Variants in RSRC1 observed in about 807,000 individuals in gnomAD.
RSRC1 encodes the protein serine/Arginine-related protein 53.
A neutral mutation model predicts 49.1 loss-of-function variants in RSRC1; 39 were observed. The ratio of observed to expected loss-of-function variants is 0.79; its 90% CI spans 0.61 to 1.04. The LOEUF is 1.04. Ranked by LOEUF, RSRC1 falls within the 50% of genes least tolerant of loss-of-function variation. The pLI is 0.00. For synonymous variants in RSRC1, 143 were observed against 130.8 expected (o/e 1.09, Z -0.63); for missense variants, 388 against 402.4 (o/e 0.96, Z 0.31).
At chr3:158,405,237 T>C (rs1734097455) in intron 6 of RSRC1, among the ~76,000 whole-genome samples, 1 of 152,060 alleles carries the variant, frequency 6.6e-6, no homozygotes, top group Non-Finnish European at 1.5e-5. Flanking sequence ...AATGCAGTTA[T>C]CATGTTTTGT....
chr3:158,197,911 C>G (rs908435894), intron 3 of RSRC1, among the ~76,000 whole-genome samples: 1 of 152,064 alleles, frequency 6.6e-6, no homozygotes, highest in Non-Finnish European at 1.5e-5. Flanking sequence ...TTTATTCCCA[C>G]TATGTGGTCA....
At chr3:158,287,186 G>T (rs936168844) in intron 4 of RSRC1, among the ~76,000 whole-genome samples, 5 of 152,108 alleles carry the variant, frequency 3.3e-5, no homozygotes, top group African/African-American at 7.2e-5. Flanking sequence ...TTCTATTTGG[G>T]ATTGTTGACT....
chr3:158,389,379 G>C (rs958288551), intron 6 of RSRC1, among the ~76,000 whole-genome samples: 9 of 152,146 alleles, frequency 5.9e-5, no homozygotes, highest in African/African-American at 2.2e-4. Flanking sequence ...ATATTCAATT[G>C]TGGACAAAGC....
intron 3 of RSRC1, among the ~76,000 whole-genome samples, chr3:158,150,248 T>A (rs1473371547): frequency 6.6e-6 from 1 of 152,200 alleles, no homozygotes; most frequent in East Asian, 1.9e-4. Flanking sequence ...TTGCCAGTTA[T>A]TTTAGACATC....
intron 3 of RSRC1, among the ~76,000 whole-genome samples, chr3:158,137,655 CTT>C (rs11388972): frequency 3.6e-5 from 5 of 138,502 alleles, no homozygotes. Flanking sequence ...TTTTCTTTTT[CTT>C]TTTTTTTTTT....
chr3:158,116,994 G>A (rs187842466), intron 1 of RSRC1, among the ~76,000 whole-genome samples: 1 of 152,132 alleles, frequency 6.6e-6, no homozygotes, highest in East Asian at 1.9e-4. Context: ...GGGAGAGTGT[G>A]GGGTATAATT....
chr3:158,460,922 G>A lies in RSRC1; in HGVS notation c.584-13G>A. 3 of 1,565,286 alleles carry A rather than the reference G, an allele frequency of 1.9e-6. No homozygotes were observed. Among genetic ancestry groups the A allele is most frequent in the Non-Finnish European group, 2.6e-6 (3 of 1,149,212 alleles). On this transcript the variant is annotated splice_polypyrimidine_tract_variant and intron_variant, in intron 6 of 9. Transcript: ENST00000611884. ...ATAAAATAAGTACAAAAATTGTATTGTTTTTGTTTCAGCAAAAGCTGATGA... is the reference window on the plus strand; with the variant it reads ...ATAAAATAAGTACAAAAATTGTATTATTTTTGTTTCAGCAAAAGCTGATGA...
chr3:158,294,497 T>C (rs1727119789), intron 4 of RSRC1, among the ~76,000 whole-genome samples: 1 of 152,150 alleles, frequency 6.6e-6, no homozygotes, highest in African/African-American at 2.4e-5. Context: ...TTCTGGTTTA[T>C]ACATCTTACA....
chr3:158,529,671 A>G (rs866018375), intron 7 of RSRC1, among the ~76,000 whole-genome samples: 3 of 151,966 alleles, frequency 2.0e-5, no homozygotes, highest in Middle Eastern at 3.2e-3. Flanking sequence ...ATTCATTTCT[A>G]TGACTTTCCC....
intron 8 of RSRC1, among the ~76,000 whole-genome samples, chr3:158,541,102 C>G (rs538916252): frequency 6.6e-6 from 1 of 152,302 alleles, no homozygotes; most frequent in East Asian, 1.9e-4. Flanking sequence ...TTTTTGCTCA[C>G]TATACACCAG....
At chr3:158,137,983 C>T (rs1207657413) in intron 3 of RSRC1, among the ~76,000 whole-genome samples, 1 of 151,944 alleles carries the variant, frequency 6.6e-6, no homozygotes, top group Non-Finnish European at 1.5e-5. Flanking sequence ...TTTTCATAGA[C>T]GTTTTTTCTC....
chr3:158,458,557 C>T (rs779748016), intron 6 of RSRC1, among the ~76,000 whole-genome samples: 3 of 152,048 alleles, frequency 2.0e-5, no homozygotes, highest in Admixed American at 1.3e-4. Context: ...GTGAAGGAAG[C>T]GAAGCCTAGA....
At chr3:158,242,764 G>C (rs1723666709) in intron 4 of RSRC1, among the ~76,000 whole-genome samples, 2 of 151,854 alleles carry the variant, frequency 1.3e-5, no homozygotes, top group African/African-American at 4.8e-5. Context: ...GGTATGAGAT[G>C]ATATCTCATT....
chr3:158,387,165 A>G (rs1733011226), intron 6 of RSRC1, among the ~76,000 whole-genome samples: 1 of 152,132 alleles, frequency 6.6e-6, no homozygotes, highest in African/African-American at 2.4e-5. Context: ...TCAAATACAA[A>G]TATAAGGATT....
intron 7 of RSRC1, among the ~76,000 whole-genome samples, chr3:158,470,943 C>A (rs1738109693): frequency 6.6e-6 from 1 of 152,142 alleles, no homozygotes; most frequent in Admixed American, 6.6e-5. Flanking sequence ...ATCCAAAGTT[C>A]AAGAAACTCA....
intron 6 of RSRC1, among the ~76,000 whole-genome samples, chr3:158,400,055 G>C (rs9870731): frequency 0.52 from 78,992 of 151,834 alleles, 20,989 homozygotes; most frequent in African/African-American, 0.61. Flanking sequence ...CCAGAAAATA[G>C]TAGAATTTTC....
chr3:158,344,668 A>G (rs1195271150), intron 5 of RSRC1, among the ~76,000 whole-genome samples: 1 of 152,220 alleles, frequency 6.6e-6, no homozygotes, highest in Non-Finnish European at 1.5e-5. Context: ...CTGGGTTGAC[A>G]TAAGAGAATA....
At chr3:158,230,221 C>A (rs1722873607) in intron 4 of RSRC1, among the ~76,000 whole-genome samples, 1 of 151,818 alleles carries the variant, frequency 6.6e-6, no homozygotes, top group Non-Finnish European at 1.5e-5. Context: ...TTGTGTATTT[C>A]TTTCTTTCTT....
At chr3:158,285,832 C>G (rs2108087906) in intron 4 of RSRC1, among the ~76,000 whole-genome samples, 1 of 152,294 alleles carries the variant, frequency 6.6e-6, no homozygotes, top group East Asian at 1.9e-4. Context: ...ATCATGTCAT[C>G]TGCAAACAGG....
Sources: allele counts gnomAD v4.1 joint callset (sites outside exome capture counted in the v4.1 genomes callset), GRCh38; gene constraint gnomAD v4.1.1; transcripts MANE v1.5; gene names NCBI Gene and HGNC (gene_info 2026-07-23, HGNC 2026-07-21).